FAT3: variants seen among roughly 807,000 people sequenced by gnomAD.
FAT3 encodes FAT atypical cadherin 3.
Under a neutral mutation model 310.2 loss-of-function variants are expected in FAT3, and 95 were observed. The ratio of observed to expected loss-of-function variants is 0.31; its 90% CI spans 0.26 to 0.36. FAT3 has a LOEUF of 0.36. Ranked by LOEUF, FAT3 falls within the 10% of genes least tolerant of loss-of-function variation. The pLI is 1.00. For synonymous variants in FAT3, 2,314 were observed against 2,192.9 expected, an observed-to-expected ratio of 1.06 and a Z score of -1.54; for missense variants, 5,408 against 5,715.6, an observed-to-expected ratio of 0.95 and a Z score of 1.74.
At chr11:92,854,030 A>G (rs1347053366) in intron 19 of FAT3, among the ~76,000 whole-genome samples, 1 of 151,722 alleles carries the variant, frequency 6.6e-6, no homozygotes, top group Admixed American at 6.6e-5. Context: ...CAGGCTGTTC[A>G]TTTTCTGAAG....
rs191032969 is a variant in FAT3 at position 92,365,199 on chromosome 11, G to C, written c.3292+9795G>C. Among the ~76,000 whole-genome samples the C allele has an allele frequency of 2.5e-3, 375 of 152,288 alleles. 1 individual carries two copies. Among genetic ancestry groups the C allele is most frequent in the South Asian group, 7.1e-3 (34 of 4,818 alleles). On this transcript the variant is annotated intron_variant, in intron 2 of 27. Transcript: ENST00000525166. ...GTGGGAGGATCACTTGTGCCTAGGA[G>C]GTTGAGGGTGCAGTGAGCCATGTTT...
chr11:92,428,084 C>T (rs1309256413), intron 2 of FAT3, among the ~76,000 whole-genome samples: 1 of 151,850 alleles, frequency 6.6e-6, no homozygotes, highest in African/African-American at 2.4e-5. Context: ...GATTTGACTT[C>T]TTCCTGGTTT....
rs1003087426 is a variant in FAT3 at position 92,893,065 on chromosome 11, G to T, written c.*1952G>T. 1 of 152,058 alleles carries T rather than the reference G, an allele frequency of 6.6e-6. No individual in the cohort carries two copies. The highest frequency in any genetic ancestry group is 2.4e-5 in the African/African-American group (1 of 41,374). 9.4% of individuals were successfully genotyped at this position (152,058 alleles called of 1,614,324 possible). A position where few individuals can be genotyped will look rare whatever the true frequency, so the allele number is the denominator to read the frequency against. On this transcript the variant is annotated 3_prime_UTR_variant, in exon 28 of 28. Coordinates refer to ENST00000525166, the MANE Select transcript of FAT3 (RefSeq NM_001367949.2). ...TGGTGTGTAAATTGTACTGTCCCTAGTCTGTGCATTATTCACTCAGACATA... is the reference window on the plus strand; with the variant it reads ...TGGTGTGTAAATTGTACTGTCCCTATTCTGTGCATTATTCACTCAGACATA...
chr11:92,830,026 C>T (rs144775303), intron 13 of FAT3, among the ~76,000 whole-genome samples: 166 of 152,248 alleles, frequency 1.1e-3, no homozygotes, highest in African/African-American at 3.7e-3. Flanking sequence ...GCCCTCCCCT[C>T]TAAGAGCTTA....
chr11:92,778,502 C>G (rs929988050), intron 7 of FAT3, among the ~76,000 whole-genome samples: 1 of 152,182 alleles, frequency 6.6e-6, no homozygotes, highest in African/African-American at 2.4e-5. Context: ...CAAACCCGTG[C>G]AAATCAGGAC....
At chr11:92,382,416 C>G (rs1949516742) in intron 2 of FAT3, among the ~76,000 whole-genome samples, 1 of 152,060 alleles carries the variant, frequency 6.6e-6, no homozygotes, top group South Asian at 2.1e-4. Flanking sequence ...ATTAAAGTGA[C>G]AAAGCTAATG....
intron 12 of FAT3, among the ~76,000 whole-genome samples, chr11:92,808,308 GA>G (rs1244904998): frequency 1.3e-5 from 2 of 152,192 alleles, no homozygotes; most frequent in Admixed American, 6.5e-5. Flanking sequence ...GGGCACAGAT[GA>G]AGATGTAACT....
intron 21 of FAT3, among the ~76,000 whole-genome samples, chr11:92,863,272 T>A (rs991056966): frequency 2.0e-5 from 3 of 152,252 alleles, no homozygotes; most frequent in African/African-American, 7.2e-5. Flanking sequence ...TTTTAAAACA[T>A]CCCCTTTTCA....
chr11:92,532,053 A>G (rs776545366), intron 3 of FAT3, among the ~76,000 whole-genome samples: 1 of 152,136 alleles, frequency 6.6e-6, no homozygotes, highest in East Asian at 1.9e-4. Context: ...ACCCCATTCC[A>G]TATGGCCCCT....
intron 3 of FAT3, among the ~76,000 whole-genome samples, chr11:92,548,063 T>C (rs1013438322): frequency 6.6e-6 from 1 of 152,166 alleles, no homozygotes; most frequent in African/African-American, 2.4e-5. Context: ...AGATGAGACC[T>C]TAGAGTGTTT....
intron 1 of FAT3, among the ~76,000 whole-genome samples, chr11:92,321,305 C>T (rs889234152): frequency 4.0e-5 from 6 of 151,844 alleles, no homozygotes; most frequent in South Asian, 2.1e-4. Flanking sequence ...GGCGTGGTGG[C>T]GGGTGCCTGT....
intron 3 of FAT3, among the ~76,000 whole-genome samples, chr11:92,597,002 A>G (rs1939744255): frequency 6.6e-6 from 1 of 151,986 alleles, no homozygotes; most frequent in East Asian, 1.9e-4. Flanking sequence ...CCCACCCTCA[A>G]TATCCTTTCT....
At chr11:92,402,533 C>A (rs1950039922) in intron 2 of FAT3, among the ~76,000 whole-genome samples, 1 of 151,622 alleles carries the variant, frequency 6.6e-6, no homozygotes, top group African/African-American at 2.4e-5. Context: ...AGTTCCAGAC[C>A]AGCCTAGGAA....
At chr11:92,554,394 G>A (rs909293639) in intron 3 of FAT3, among the ~76,000 whole-genome samples, 5 of 146,240 alleles carry the variant, frequency 3.4e-5, no homozygotes, top group Admixed American at 2.8e-4. Context: ...CCTGGGAGGC[G>A]GAGCTTGCAG....
At chr11:92,307,312 G>A (rs1296962850) in intron 1 of FAT3, among the ~76,000 whole-genome samples, 2 of 152,048 alleles carry the variant, frequency 1.3e-5, no homozygotes, top group Non-Finnish European at 2.9e-5. Context: ...GTTGAAGCTG[G>A]AATAGAATAT....
rs766693054 is a variant in FAT3, at chr11:92,800,893, C to T, written c.7880C>T (p.Pro2627Leu). Residue 2627 changes from proline (P) to leucine (L), a missense_variant, in exon 10 of 28, where the codon CCC becomes CTC. Physicochemically the swap from Pro to Leu is moderately conservative, Grantham distance 98. Around this residue, in one of 5 missense-constraint regions of FAT3, gnomAD observed 4,588 missense variants for 4,809.8 expected, o/e 0.95. Transcript: ENST00000525166. ...GTCACTCAAGTTCAAGCCATAGATC[C>T]CGATGATGGAGCAAATTCAAGGATT... is the stretch of plus-strand genomic sequence containing the variant. ...HLVTQVQAIDPDDGANSRITY... is the reference protein window; with the variant it reads ...HLVTQVQAIDLDDGANSRITY... 1.9e-6 allele frequency: 3 copies of T among 1,613,254 alleles called. No homozygotes were observed. The South Asian group carries it at 3.3e-5, about 18-fold the overall frequency.
chr11:92,662,870 G>T (rs1394500497), intron 3 of FAT3, among the ~76,000 whole-genome samples: 2 of 152,172 alleles, frequency 1.3e-5, no homozygotes, highest in Non-Finnish European at 2.9e-5. Flanking sequence ...AAGTCTCTGT[G>T]CTCCCATGAG....
At chr11:92,649,899 A>G (rs1456214743) in intron 3 of FAT3, among the ~76,000 whole-genome samples, 2 of 63,266 alleles carry the variant, frequency 3.2e-5, no homozygotes, top group African/African-American at 1.2e-4. Context: ...ATATATATAT[A>G]TATATATATA....
At chr11:92,445,998 A>C (rs1951199637) in intron 2 of FAT3, among the ~76,000 whole-genome samples, 1 of 152,156 alleles carries the variant, frequency 6.6e-6, no homozygotes, top group Non-Finnish European at 1.5e-5. Flanking sequence ...TTGGACTCTT[A>C]ATTCGTTTGC....
Sources: gnomAD v4.1 joint callset for allele counts (sites outside exome capture counted in the v4.1 genomes callset) on GRCh38, gnomAD v4.1.1 for gene constraint, gnomAD v4.1.1 regional missense constraint, MANE v1.5 for transcripts, NCBI Gene and HGNC (gene_info 2026-07-23, HGNC 2026-07-21) for gene names.